Variants in GYS1 observed in about 807,000 individuals in gnomAD.
GYS1 encodes the protein glycogen [starch] synthase, muscle.
Under a neutral mutation model 89.1 loss-of-function variants are expected in GYS1, and 60 were observed. The ratio of observed to expected loss-of-function variants is 0.67; its 90% CI spans 0.55 to 0.84. GYS1 has a LOEUF of 0.84. GYS1 is among the 40% of genes least tolerant of loss of function. The probability of loss-of-function intolerance (pLI) is 0.00; values close to 1 mark genes in which losing one functional copy is unlikely to be tolerated. For synonymous variants in GYS1, 366 were observed against 401.7 expected (o/e 0.91, Z 1.06); for missense variants, 888 against 1,003.1 (o/e 0.89, Z 1.55).
At chr19:48,970,181 T>C (rs539643878) in intron 14 of GYS1, 3 of 472,066 alleles carry the variant, frequency 6.4e-6, no homozygotes, top group East Asian at 8.3e-5. Flanking sequence ...TGGAGTGCAG[T>C]GGGTTTGAAC....
At chr19:48,974,119 C>G (rs146996615) in intron 12 of GYS1, 94 bp downstream of exon 12, 2 of 1,351,272 alleles carry the variant, frequency 1.5e-6, no homozygotes, top group African/African-American at 2.9e-5. Flanking sequence ...GCAAAGAAGG[C>G]AACAGGCTCA....
At chr19:48,978,045 A>G (rs199780520) in intron 9 of GYS1, 43 bp from the exon 10 acceptor site, 3 of 1,608,266 alleles carry the variant, frequency 1.9e-6, no homozygotes, top group South Asian at 1.1e-5. Context: ...CGGAGTAATG[A>G]GAGGGGTTAG....
At chr19:48,977,646 C>T (rs1371791262) in intron 10 of GYS1, among the ~76,000 whole-genome samples, 1 of 152,004 alleles carries the variant, frequency 6.6e-6, no homozygotes. Context: ...CTTCCTTTTG[C>T]TCATTGACCC....
At position 48,977,892 on chromosome 19, in the gene GYS1, G is replaced by A. The variant is rs758246101; in HGVS notation, c.1308+32C>T. On this transcript the variant is annotated intron_variant, in intron 10 of 15. Transcript: ENST00000323798. ...GCTGCCTCTGGGGCTGCCAGGAACT[G>A]CTATCTCTCTGCACAGAGGTCCAAT... is the stretch of plus-strand genomic sequence containing the variant. The A allele has an allele frequency of 6.4e-6, 10 of 1,557,658 alleles. 1 individual carries two copies. In the South Asian group the frequency reaches 1.1e-4, roughly 17 times the overall value.
intron 12 of GYS1, among the ~76,000 whole-genome samples, chr19:48,972,124 G>C (rs1268403308): frequency 2.0e-5 from 3 of 147,678 alleles, no homozygotes; most frequent in Non-Finnish European, 4.5e-5. Context: ...AGGTCAAGAA[G>C]AGAAAAAAAA....
chr19:48,979,331 C>CTTTTTTTTTTTTT (rs1568620568), intron 8 of GYS1, among the ~76,000 whole-genome samples: 1 of 46,354 alleles, frequency 2.2e-5, no homozygotes, highest in Non-Finnish European at 4.6e-5. Flanking sequence ...TTTCTTTTTT[C>CTTTTTTTTTTTTT]TTTTCTTTTT....
intron 5 of GYS1, among the ~76,000 whole-genome samples, chr19:48,984,394 CT>C (rs60151981): frequency 4.8e-5 from 7 of 147,196 alleles, no homozygotes; most frequent in South Asian, 2.2e-4. Flanking sequence ...ATATTCAACA[CT>C]TTTTTTTTTT....
At chr19:48,975,206 C>T (rs986298133) in intron 10 of GYS1, among the ~76,000 whole-genome samples, 2 of 151,518 alleles carry the variant, frequency 1.3e-5, no homozygotes, top group African/African-American at 4.9e-5. Flanking sequence ...GCTGGGATTA[C>T]AGGCGTGAGC....
intron 14 of GYS1, chr19:48,970,141 T>A (rs549745140): frequency 2.3e-5 from 12 of 510,926 alleles, no homozygotes; most frequent in Middle Eastern, 5.4e-4. Flanking sequence ...TTTTTCTTTT[T>A]AAACACGGTC....
intron 10 of GYS1, among the ~76,000 whole-genome samples, chr19:48,977,369 G>C (rs1316937604): frequency 6.6e-6 from 1 of 152,182 alleles, no homozygotes; most frequent in African/African-American, 2.4e-5. Context: ...GAGGCAGACA[G>C]AACACTTGAG....
rs766268073 is a variant in GYS1 at position 48,993,283 on chromosome 19, T to A, written c.-171A>T. 10 of 700,740 alleles carry A rather than the reference T, an allele frequency of 1.4e-5. No homozygotes were observed. The highest frequency in any genetic ancestry group is 2.4e-5 in the Non-Finnish European group (9 of 381,002). The allele number at this position is 700,740 out of a possible 1,614,324, so 43.4% of individuals were successfully genotyped here. On this transcript the variant is annotated 5_prime_UTR_variant, in exon 1 of 16. Transcript: ENST00000323798. ...ACCCCTGCCCCGAAGCGTTGGGACC[T>A]AGGCAGAAGGAGGCCGCAGCGTCAC...
At chr19:48,979,382 C>CA (rs1185425512) in intron 8 of GYS1, among the ~76,000 whole-genome samples, 36 of 80,646 alleles carry the variant, frequency 4.5e-4, no homozygotes, top group Non-Finnish European at 7.1e-4. Context: ...TTTTTTGAGA[C>CA]AGAGTCTTGC....
In GYS1 at chr19:48,985,500, T is replaced by C. The variant is rs761039612; in HGVS notation, c.784A>G (p.Thr262Ala). 6.8e-6 allele frequency: 11 copies of C among 1,614,052 alleles called. No homozygotes were observed. The South Asian group carries it at 1.2e-4, about 18-fold the overall frequency. Residue 262 changes from threonine to alanine, a missense_variant, in exon 5 of 16, where the codon ACC (threonine) becomes GCC (alanine). Transcript: ENST00000323798. ...AGCAAGTGCTGTGCCTCGATGGCGG[T>C]GATCTGGGACACAGTAGTGAAGACG... is the stretch of plus-strand genomic sequence containing the variant. Reference protein sequence around the residue: ...AHVFTTVSQITAIEAQHLLKR... With the variant: ...AHVFTTVSQIAAIEAQHLLKR...
Position 48,987,243 on chromosome 19 carries a change from G to T in GYS1, c.443C>A (p.Ala148Asp). The change falls in exon 3 of 16, where the codon GCC becomes GAC. Residue 148 changes from alanine (A) to aspartate (D), a missense_variant. Coordinates refer to ENST00000323798, the MANE Select transcript of GYS1 (RefSeq NM_002103.5). ...AAAGCCAAAGAGGACAGCGTCGTTG[G>T]CCTCGCGGTCGTACCACGGCACTCC... is the stretch of plus-strand genomic sequence containing the variant. ...NIGVPWYDRE[A>D]NDAVLFGFLT... 1 of 1,613,476 alleles carries T rather than the reference G, an allele frequency of 6.2e-7. No homozygotes were observed. Among genetic ancestry groups the T allele is most frequent in the Non-Finnish European group, 8.5e-7 (1 of 1,179,636 alleles).
Position 48,968,171 on chromosome 19 carries a change from ACACT to A in GYS1, c.*1113_*1116del, listed in dbSNP as rs148396922. 1,337 of 453,768 alleles carry A rather than the reference ACACT, an allele frequency of 2.9e-3. 12 individuals are homozygous for A. Among genetic ancestry groups the A allele is most frequent in the African/African-American group, 0.025 (1,245 of 50,110 alleles). 28.1% of individuals were successfully genotyped at this position (453,768 alleles called of 1,614,324 possible). On this transcript the variant is annotated 3_prime_UTR_variant, in exon 16 of 16. Coordinates refer to ENST00000323798, the MANE Select transcript of GYS1 (RefSeq NM_002103.5). ...TATTTTTTTCATCTCATCTCCGGAC[ACACT>A]CCAATCACACCCCTCCTGCCCTCCC...
chr19:48,973,916 G>A (rs2038603918), intron 12 of GYS1, among the ~76,000 whole-genome samples: 1 of 152,180 alleles, frequency 6.6e-6, no homozygotes, highest in African/African-American at 2.4e-5. Flanking sequence ...GCCACACTCG[G>A]CTGTATTTGT....
rs993635073 is a variant in GYS1, at chr19:48,991,879, G to A, written c.119-396C>T. On this transcript the variant is annotated intron_variant, in intron 1 of 15. Coordinates refer to ENST00000323798, the MANE Select transcript of GYS1 (RefSeq NM_002103.5). The surrounding 1 kb of genome is among the most constrained non-coding windows in gnomAD (Gnocchi z 4.7). ...AGGTTCCCGAGTTCCCAGCTCACAGGAGCTGGGTTTAAATCGCAGCCAGGC... is the reference window on the plus strand; with the variant it reads ...AGGTTCCCGAGTTCCCAGCTCACAGAAGCTGGGTTTAAATCGCAGCCAGGC... Among the ~76,000 whole-genome samples the A allele has an allele frequency of 3.9e-5, 6 of 152,064 alleles. No homozygotes were observed. The highest frequency in any genetic ancestry group is 5.9e-5 in the Non-Finnish European group (4 of 67,980).
rs564069877 is a variant in GYS1, at chr19:48,970,325, C to T, written c.1809+221G>A. 335 of 555,986 alleles carry T rather than the reference C, an allele frequency of 6.0e-4. 1 individual carries two copies. The highest frequency in any genetic ancestry group is 5.8e-3 in the African/African-American group (305 of 53,028). 34.4% of individuals were successfully genotyped at this position (555,986 alleles called of 1,614,324 possible). ...TATTTTTAGTAAAAATAAAATGTTG[C>T]CCAGGCTGGTCTCTTAACTCCTGAG... On this transcript the variant is annotated intron_variant, in intron 14 of 15. Coordinates refer to ENST00000323798, the MANE Select transcript of GYS1 (RefSeq NM_002103.5).
intron 6 of GYS1, 76 bp downstream of exon 6, chr19:48,982,644 G>GC (rs2038784866): frequency 9.0e-7 from 1 of 1,105,802 alleles, no homozygotes; most frequent in Non-Finnish European, 1.4e-6. Flanking sequence ...GCCCCCAGCT[G>GC]CCCCCTCCCC....
Sources: allele counts gnomAD v4.1 joint callset (sites outside exome capture counted in the v4.1 genomes callset), GRCh38; gene constraint gnomAD v4.1.1; non-coding constraint Gnocchi (gnomAD v3.1); transcripts MANE v1.5; gene names NCBI Gene and HGNC (gene_info 2026-07-23, HGNC 2026-07-21).